Variants in POLR3B observed in about 807,000 individuals in gnomAD.
The protein encoded by POLR3B is DNA-directed RNA polymerase III subunit RPC2.
In POLR3B, 96 loss-of-function variants were observed where a neutral mutation model predicts 147.4. The ratio of observed to expected loss-of-function variants is 0.65; its 90% CI spans 0.55 to 0.77. POLR3B has a LOEUF of 0.77. Among genes scored for constraint, POLR3B ranks in the 30% least tolerant of loss-of-function variants. The pLI, the probability that POLR3B is intolerant of heterozygous loss-of-function variation, is 0.00. For synonymous variants in POLR3B, 461 were observed against 485.9 expected (o/e 0.95, Z 0.67); for missense variants, 1,036 against 1,413.5 (o/e 0.73, Z 4.28).
intron 1 of POLR3B, among the ~76,000 whole-genome samples, chr12:106,363,386 C>G (rs866224152): frequency 6.6e-6 from 1 of 152,210 alleles, no homozygotes; most frequent in African/African-American, 2.4e-5. Context: ...AATTTTAACT[C>G]TATCCCTCTA....
chr12:106,423,356 A>G (rs1436250257), intron 12 of POLR3B, among the ~76,000 whole-genome samples: 1 of 152,170 alleles, frequency 6.6e-6, no homozygotes, highest in African/African-American at 2.4e-5. Context: ...ACACATTAAA[A>G]TTTTTTAGAT....
At chr12:106,425,568 G>T (rs534927618) in intron 12 of POLR3B, among the ~76,000 whole-genome samples, 1 of 152,258 alleles carries the variant, frequency 6.6e-6, no homozygotes, top group African/African-American at 2.4e-5. Context: ...ATGCAAGAAA[G>T]CCCAGGGAAG....
chr12:106,376,858 C>T (rs1311612992), intron 7 of POLR3B, among the ~76,000 whole-genome samples: 1 of 152,196 alleles, frequency 6.6e-6, no homozygotes, highest in African/African-American at 2.4e-5. Context: ...CCACCTTGGC[C>T]TCCCAAAGTG....
chr12:106,472,633 A>T (rs2038110251), intron 23 of POLR3B, among the ~76,000 whole-genome samples: 1 of 148,330 alleles, frequency 6.7e-6, no homozygotes. Flanking sequence ...GCATTTTTTC[A>T]TGTGTTTTTT....
rs577152484 is a variant in POLR3B, at chr12:106,426,409, C to T, written c.1102-788C>T. On this transcript the variant is annotated intron_variant, in intron 12 of 27. Transcript: ENST00000228347. Reference sequence around the variant, plus strand: ...GGGATTACAGGCACCCGCCACCAGACCCGGCTAATTTTTGTATTTTTAGTA... The same window carrying T: ...GGGATTACAGGCACCCGCCACCAGATCCGGCTAATTTTTGTATTTTTAGTA... 6.2e-4 allele frequency among the ~76,000 whole-genome samples: 94 copies of T among 152,040 alleles called. 1 individual carries two copies. Among genetic ancestry groups the T allele is most frequent in the Non-Finnish European group, 1.1e-3 (74 of 68,012 alleles).
chr12:106,388,324 CT>C (rs35512078), intron 9 of POLR3B, among the ~76,000 whole-genome samples: 2,477 of 147,404 alleles, frequency 0.017, 63 homozygotes, highest in African/African-American at 0.058. Context: ...GGAAATTTAT[CT>C]TTTTTTTTTT....
chr12:106,438,669 A>G (rs181948495), intron 18 of POLR3B, among the ~76,000 whole-genome samples: 1 of 152,180 alleles, frequency 6.6e-6, no homozygotes, highest in Admixed American at 6.5e-5. Flanking sequence ...CTTAATGTGT[A>G]TTTTTTAAAA....
At chr12:106,439,630 C>G (rs2037623291) in intron 18 of POLR3B, among the ~76,000 whole-genome samples, 1 of 152,048 alleles carries the variant, frequency 6.6e-6, no homozygotes, top group Non-Finnish European at 1.5e-5. Flanking sequence ...GGTGACAAAG[C>G]AAACCCTGTT....
At chr12:106,422,184 G>A (rs1021767187) in intron 12 of POLR3B, among the ~76,000 whole-genome samples, 1 of 152,130 alleles carries the variant, frequency 6.6e-6, no homozygotes, top group Non-Finnish European at 1.5e-5. Flanking sequence ...CATGGGGGTG[G>A]TTTTTAATGG....
intron 23 of POLR3B, among the ~76,000 whole-genome samples, chr12:106,470,243 G>T (rs2038071520): frequency 6.6e-6 from 1 of 151,740 alleles, no homozygotes; most frequent in African/African-American, 2.4e-5. Context: ...TGATCGAATT[G>T]GCTATTGAAG....
chr12:106,490,065 T>C (rs1304760800), intron 23 of POLR3B, among the ~76,000 whole-genome samples: 3 of 152,216 alleles, frequency 2.0e-5, no homozygotes, highest in Non-Finnish European at 4.4e-5. Context: ...AAGAAGATTT[T>C]ATGGAATTGA....
intron 25 of POLR3B, among the ~76,000 whole-genome samples, chr12:106,497,343 A>G (rs1029902798): frequency 3.3e-5 from 5 of 151,892 alleles, no homozygotes; most frequent in African/African-American, 7.2e-5. Flanking sequence ...AAAACTAACA[A>G]TTGAGGAGTG....
intron 12 of POLR3B, among the ~76,000 whole-genome samples, chr12:106,415,835 A>G (rs1479794769): frequency 3.3e-5 from 5 of 152,230 alleles, no homozygotes; most frequent in African/African-American, 4.8e-5. Flanking sequence ...TTTGCAGTGA[A>G]AAGTGACCCA....
At chr12:106,465,471 T>C (rs1053047878) in intron 23 of POLR3B, among the ~76,000 whole-genome samples, 6 of 151,778 alleles carry the variant, frequency 4.0e-5, no homozygotes, top group Admixed American at 3.3e-4. Context: ...CCACTAAACT[T>C]TTTTTTTGTT....
chr12:106,508,656 C>T (rs755059036), intron 27 of POLR3B, among the ~76,000 whole-genome samples: 1 of 152,114 alleles, frequency 6.6e-6, no homozygotes, highest in African/African-American at 2.4e-5. Context: ...CCAGCTCTTC[C>T]GGAAAGAAGA....
rs529228212 is a variant in POLR3B, at chr12:106,395,826, C to T, written c.846+2673C>T. On this transcript the variant is annotated intron_variant, in intron 10 of 27. Transcript: ENST00000228347. ...CTCTACTAGAAATACAAAAATTAGCCGGGCGTGGTGGTGGGTGCCTGTAAT... is the reference window on the plus strand; with the variant it reads ...CTCTACTAGAAATACAAAAATTAGCTGGGCGTGGTGGTGGGTGCCTGTAAT... 3.7e-4 allele frequency among the ~76,000 whole-genome samples: 57 copies of T among 152,074 alleles called. 1 individual carries two copies. The South Asian group carries it at 0.011, about 30-fold the overall frequency.
At chr12:106,366,228 G>A (rs576197811) in intron 2 of POLR3B, among the ~76,000 whole-genome samples, 1 of 152,320 alleles carries the variant, frequency 6.6e-6, no homozygotes, top group South Asian at 2.1e-4. Flanking sequence ...TGTGGCACAT[G>A]ACCATATATT....
At chr12:106,415,171 C>T (rs999485948) in intron 12 of POLR3B, among the ~76,000 whole-genome samples, 2 of 152,196 alleles carry the variant, frequency 1.3e-5, no homozygotes, top group Non-Finnish European at 2.9e-5. Context: ...CTTAGCTTCA[C>T]CCCAACTCCA....
intron 23 of POLR3B, among the ~76,000 whole-genome samples, chr12:106,467,187 C>A (rs1485477032): frequency 6.6e-6 from 1 of 152,054 alleles, no homozygotes; most frequent in African/African-American, 2.4e-5. Context: ...AAGTTGGATT[C>A]CTAGGTATTT....
Sources: gnomAD v4.1 joint callset for allele counts (sites outside exome capture counted in the v4.1 genomes callset) on GRCh38, gnomAD v4.1.1 for gene constraint, MANE v1.5 for transcripts, NCBI Gene and HGNC (gene_info 2026-07-23, HGNC 2026-07-21) for gene names.